Variants in OR2C1 observed in about 807,000 individuals in gnomAD.
OR2C1 encodes olfactory receptor family 2 subfamily C member 1.
For missense variants in OR2C1, 468 were observed against 388.3 expected, an observed-to-expected ratio of 1.21 and a Z score of -1.73; for synonymous variants, 209 against 167.3, an observed-to-expected ratio of 1.25 and a Z score of -1.92.
chr16:3,348,073 C>T, the OR2C1 span, among the ~76,000 whole-genome samples: 15 of 152,258 alleles, frequency 9.9e-5, no homozygotes, highest in South Asian at 2.1e-4. Flanking sequence ...AGGTAAGAAA[C>T]GGAATGAGGG....
At chr16:3,357,979 CAATAAT>C (rs766585452), downstream of OR2C1, among the ~76,000 whole-genome samples, 2 of 151,722 alleles carry the variant, frequency 1.3e-5, no homozygotes, top group African/African-American at 2.4e-5. Context: ...AACTCCGTCT[CAATAAT>C]AATAATAATA....
At chr16:3,325,460 AATATATATATATATATATATATATATAT>A in the OR2C1 span, among the ~76,000 whole-genome samples, 86 of 93,164 alleles carry the variant, frequency 9.2e-4, 1 homozygote, top group Admixed American at 5.2e-3. Flanking sequence ...TATGTCTAAA[AATATATATATATATATATATATATATAT>A]ATATATATAT....
At chr16:3,349,879 G>A in the OR2C1 span, among the ~76,000 whole-genome samples, 2 of 151,390 alleles carry the variant, frequency 1.3e-5, no homozygotes, top group Non-Finnish European at 2.9e-5. Context: ...TCCAGCCTGG[G>A]CAACAAAGCG....
chr16:3,356,195 A>G lies in OR2C1; in HGVS notation c.255A>G (p.Leu85=), dbSNP rs1451701368. The G allele has an allele frequency of 7.4e-6, 12 of 1,614,174 alleles. No individual in the cohort carries two copies. Among genetic ancestry groups the G allele is most frequent in the Non-Finnish European group, 1.0e-5 (12 of 1,180,032 alleles). Residue 85 remains leucine (L), a synonymous_variant, in exon 1 of 1, where the codon TTA becomes TTG. Transcript: ENST00000304936. ...TSSVPQMLIN[L]WGPGKTISYG... is the part of the protein sequence containing the mutation. Reference sequence around the variant, plus strand: ...CAGTCCCCCAAATGCTGATCAATTTATGGGGACCAGGCAAGACCATCAGCT... The same window carrying G: ...CAGTCCCCCAAATGCTGATCAATTTGTGGGGACCAGGCAAGACCATCAGCT...
At chr16:3,344,091 T>C in the OR2C1 span, among the ~76,000 whole-genome samples, 1 of 151,928 alleles carries the variant, frequency 6.6e-6, no homozygotes, top group Admixed American at 6.6e-5. Flanking sequence ...TGTGGTGGCG[T>C]GCACCTGTAA....
At chr16:3,350,453 C>T in the OR2C1 span, among the ~76,000 whole-genome samples, 12 of 151,490 alleles carry the variant, frequency 7.9e-5, no homozygotes, top group Non-Finnish European at 1.6e-4. Flanking sequence ...GCTCTGTCGC[C>T]CAGGCTGGAG....
chr16:3,356,701 C>T lies in OR2C1; in HGVS notation c.761C>T (p.Ser254Leu). ...HLLVVFLFYG[S>L]ASYGYLLPAK... The stretch of plus-strand genomic sequence containing the variant: ...CTGGTGGTGTTCCTCTTCTATGGCT[C>T]AGCCAGCTATGGGTATCTGCTTCCG... Residue 254 changes from serine (S) to leucine (L), a missense_variant, in exon 1 of 1, where the codon TCA becomes TTA. Coordinates refer to ENST00000304936, the MANE Select transcript of OR2C1 (RefSeq NM_012368.3). 6.2e-7 allele frequency: 1 copy of T among 1,614,216 alleles called. No homozygotes were observed. The highest frequency in any genetic ancestry group is 1.1e-5 in the South Asian group (1 of 91,090).
chr16:3,347,353 C>T, the OR2C1 span, among the ~76,000 whole-genome samples: 2 of 151,520 alleles, frequency 1.3e-5, no homozygotes, highest in Non-Finnish European at 2.9e-5. Context: ...TAGGATTGCA[C>T]CACTGCACTC....
the OR2C1 span, among the ~76,000 whole-genome samples, chr16:3,336,436 A>G: frequency 6.6e-6 from 1 of 151,868 alleles, no homozygotes; most frequent in African/African-American, 2.4e-5. Context: ...ATCTTGGCTG[A>G]CTGCAACCTC....
chr16:3,336,406 G>T, the OR2C1 span, among the ~76,000 whole-genome samples: 3 of 151,910 alleles, frequency 2.0e-5, no homozygotes, highest in African/African-American at 7.3e-5. Context: ...CTGTTGCTCA[G>T]GCTGCAGTGC....
chr16:3,331,542 T>A, the OR2C1 span, among the ~76,000 whole-genome samples: 1 of 150,714 alleles, frequency 6.6e-6, no homozygotes, highest in Non-Finnish European at 1.5e-5. Flanking sequence ...AAGTCTTTAA[T>A]CCATCTTGAA....
chr16:3,327,365 C>A, the OR2C1 span, among the ~76,000 whole-genome samples: 1 of 151,998 alleles, frequency 6.6e-6, no homozygotes, highest in Non-Finnish European at 1.5e-5. Flanking sequence ...ACAATCTCTG[C>A]CCTAAACCAT....
At chr16:3,328,832 G>A in the OR2C1 span, among the ~76,000 whole-genome samples, 2 of 152,082 alleles carry the variant, frequency 1.3e-5, no homozygotes, top group African/African-American at 2.4e-5. Flanking sequence ...ATGCTCTGAG[G>A]GTGTTGCCCC....
the OR2C1 span, among the ~76,000 whole-genome samples, chr16:3,337,112 C>T: frequency 6.7e-4 from 102 of 152,062 alleles, 1 homozygote; most frequent in African/African-American, 2.4e-3. Context: ...GCCTCAGCCT[C>T]CCAAAGTGCT....
At chr16:3,337,816 G>C in the OR2C1 span, among the ~76,000 whole-genome samples, 1 of 152,112 alleles carries the variant, frequency 6.6e-6, no homozygotes. Flanking sequence ...GTGGATGTCT[G>C]TCTGTCTTTG....
At chr16:3,345,412 G>C in the OR2C1 span, among the ~76,000 whole-genome samples, 1 of 152,032 alleles carries the variant, frequency 6.6e-6, no homozygotes, top group African/African-American at 2.4e-5. Flanking sequence ...CGTGAACCCA[G>C]GAGGCAGAGC....
the OR2C1 span, among the ~76,000 whole-genome samples, chr16:3,326,681 T>C: frequency 1.8e-4 from 27 of 152,302 alleles, no homozygotes; most frequent in Admixed American, 1.2e-3. Context: ...TCTACCTCCT[T>C]GGTTAGACAA....
the OR2C1 span, among the ~76,000 whole-genome samples, chr16:3,333,859 A>T: frequency 6.6e-6 from 1 of 151,874 alleles, no homozygotes; most frequent in African/African-American, 2.4e-5. Flanking sequence ...ATCCATTTTG[A>T]GTTGATTTTT....
the OR2C1 span, among the ~76,000 whole-genome samples, chr16:3,339,262 T>C: frequency 6.6e-6 from 1 of 151,476 alleles, no homozygotes; most frequent in Admixed American, 6.6e-5. Context: ...ACTCATCTGT[T>C]GATGAACATT....
Sources: gnomAD v4.1 joint callset for allele counts (sites outside exome capture counted in the v4.1 genomes callset) on GRCh38, gnomAD v4.1.1 for gene constraint, MANE v1.5 for transcripts, NCBI Gene and HGNC (gene_info 2026-07-23, HGNC 2026-07-21) for gene names.